The following GALNT10 variants were observed in gnomAD, a reference collection of about 807,000 sequenced individuals.
GALNT10 encodes GalNAc transferase 10.
In GALNT10, 41 loss-of-function variants were observed where a neutral mutation model predicts 75.0. The observed-to-expected ratio is 0.55, with a 90% CI of 0.43 to 0.71. The LOEUF (loss-of-function observed/expected upper bound fraction) is 0.71. Among genes scored for constraint, GALNT10 ranks in the 30% least tolerant of loss-of-function variants. The pLI is 0.00. For missense variants in GALNT10, 727 were observed against 818.5 expected, an observed-to-expected ratio of 0.89 and a Z score of 1.36; for synonymous variants, 302 against 313.0, an observed-to-expected ratio of 0.96 and a Z score of 0.37.
chr5:154,229,732 CAAA>C (rs879674193), intron 1 of GALNT10, among the ~76,000 whole-genome samples: 1 of 139,492 alleles, frequency 7.2e-6, no homozygotes, highest in African/African-American at 2.6e-5. Flanking sequence ...GACTCCATCT[CAAA>C]AAAAAAAAAG....
intron 4 of GALNT10, among the ~76,000 whole-genome samples, chr5:154,374,053 AT>A (rs972301748): frequency 1.3e-5 from 2 of 152,042 alleles, no homozygotes; most frequent in Admixed American, 1.3e-4. Flanking sequence ...ATGACTATGG[AT>A]TTTTTTCTTT....
At chr5:154,217,871 T>C (rs1273562692) in intron 1 of GALNT10, 1 of 300,252 alleles carries the variant, frequency 3.3e-6, no homozygotes, top group Non-Finnish European at 4.9e-6. Flanking sequence ...AGCTCAAAAA[T>C]AGCTATTAAT....
chr5:154,308,012 TCAC>T (rs1228625816), intron 3 of GALNT10, among the ~76,000 whole-genome samples: 3 of 147,610 alleles, frequency 2.0e-5, no homozygotes, highest in African/African-American at 7.5e-5. Context: ...AGATCTTTAT[TCAC>T]AAAGAATAAA....
At chr5:154,219,419 C>G (rs750267155) in intron 1 of GALNT10, 2 of 152,618 alleles carry the variant, frequency 1.3e-5, no homozygotes, top group African/African-American at 2.4e-5. Context: ...CCTACAGATG[C>G]ATGAGCTCCT....
chr5:154,293,613 A>ATATATATATTTTTTTTTTTTTTTTTT, intron 1 of GALNT10, among the ~76,000 whole-genome samples: 1 of 109,358 alleles, frequency 9.1e-6, no homozygotes, highest in African/African-American at 4.2e-5. Context: ...ATATATATAT[A>ATATATATATTTTTTTTTTTTTTTTTT]TTTTTTTTTT....
chr5:154,201,402 A>AG (rs749792386), intron 1 of GALNT10, among the ~76,000 whole-genome samples: 14 of 148,630 alleles, frequency 9.4e-5, no homozygotes, highest in Non-Finnish European at 1.7e-4. Context: ...TACTTTTCAG[A>AG]GAAAAAAAAA....
intron 1 of GALNT10, among the ~76,000 whole-genome samples, chr5:154,216,826 C>T (rs913667123): frequency 1.1e-4 from 16 of 152,118 alleles, no homozygotes; most frequent in Admixed American, 3.3e-4. Context: ...CTGGCAACAA[C>T]CTTTATATTG....
At chr5:154,394,356 C>CAAAAAAAAAAAAAA (rs1410528925) in intron 7 of GALNT10, among the ~76,000 whole-genome samples, 1 of 149,036 alleles carries the variant, frequency 6.7e-6, no homozygotes, top group Non-Finnish European at 1.5e-5. Flanking sequence ...TTTTTTTTCC[C>CAAAAAAAAAAAAAA]ATAAAACTCA....
chr5:154,329,348 G>A, intron 3 of GALNT10: 2 of 515,044 alleles, frequency 3.9e-6, no homozygotes, highest in Non-Finnish European at 7.0e-6. Flanking sequence ...ACTCAGGGAG[G>A]TCTTTTATAC....
chr5:154,269,326 T>A (rs1181700942), intron 1 of GALNT10, among the ~76,000 whole-genome samples: 1 of 152,186 alleles, frequency 6.6e-6, no homozygotes, highest in Non-Finnish European at 1.5e-5. Context: ...TTCTACTACA[T>A]CCCAACATTA....
chr5:154,324,411 A>G (rs1170399492), intron 3 of GALNT10, among the ~76,000 whole-genome samples: 1 of 152,232 alleles, frequency 6.6e-6, no homozygotes, highest in East Asian at 1.9e-4. Flanking sequence ...TCTCAGCTGC[A>G]GAGTTCCTGG....
At chr5:154,323,608 G>T (rs941287597) in intron 3 of GALNT10, among the ~76,000 whole-genome samples, 5 of 152,170 alleles carry the variant, frequency 3.3e-5, no homozygotes, top group Non-Finnish European at 7.4e-5. Context: ...ATGTAGCGGG[G>T]GCAGGTATGG....
chr5:154,367,262 T>C (rs1036987942), intron 4 of GALNT10, among the ~76,000 whole-genome samples: 2 of 152,230 alleles, frequency 1.3e-5, no homozygotes, highest in African/African-American at 4.8e-5. Flanking sequence ...ACATGTAGAA[T>C]CAGAATCTGT....
intron 1 of GALNT10, among the ~76,000 whole-genome samples, chr5:154,241,026 G>A (rs1272970565): frequency 6.6e-6 from 1 of 152,224 alleles, no homozygotes. Context: ...GTAAATGGCT[G>A]GAGGTGTTGC....
intron 1 of GALNT10, among the ~76,000 whole-genome samples, chr5:154,248,785 G>A (rs17627296): frequency 0.13 from 19,324 of 152,096 alleles, 1,615 homozygotes; most frequent in Non-Finnish European, 0.18. Context: ...TAACTGCTGC[G>A]CCTCACCATT....
intron 7 of GALNT10, among the ~76,000 whole-genome samples, chr5:154,390,843 T>C (rs1203970713): frequency 2.6e-5 from 4 of 152,232 alleles, no homozygotes; most frequent in Non-Finnish European, 4.4e-5. Flanking sequence ...GCAGAACAAA[T>C]GGCATTTTTC....
intron 3 of GALNT10, among the ~76,000 whole-genome samples, chr5:154,302,454 C>G (rs1754376070): frequency 6.6e-6 from 1 of 152,248 alleles, no homozygotes; most frequent in African/African-American, 2.4e-5. Context: ...CCCACTTTCC[C>G]TACTCCCTGG....
chr5:154,383,615 A>G (rs1481365119), intron 6 of GALNT10, among the ~76,000 whole-genome samples: 2 of 152,126 alleles, frequency 1.3e-5, no homozygotes, highest in Admixed American at 6.5e-5. Flanking sequence ...TGCCTATTCC[A>G]TGCAGCCCCT....
chr5:154,278,728 C>T (rs1323695634), intron 1 of GALNT10, among the ~76,000 whole-genome samples: 1 of 152,174 alleles, frequency 6.6e-6, no homozygotes, highest in Admixed American at 6.5e-5. Flanking sequence ...CCCCTGTAAC[C>T]TCTGTTCTAC....
Sources: gnomAD v4.1 joint callset for allele counts (sites outside exome capture counted in the v4.1 genomes callset) on GRCh38, gnomAD v4.1.1 for gene constraint, MANE v1.5 for transcripts, NCBI Gene and HGNC (gene_info 2026-07-23, HGNC 2026-07-21) for gene names.